The following CREB1 variants were observed in gnomAD, a reference collection of about 807,000 sequenced individuals.
The protein encoded by CREB1 is cAMP responsive element binding protein 1, also known as cyclic AMP-responsive element-binding protein 1.
CREB1 carries 2 observed loss-of-function variants against 42.0 expected under a neutral mutation model. The ratio of observed to expected loss-of-function variants is 0.05; its 90% CI spans 0.02 to 0.15. The LOEUF is 0.15. Ranked by LOEUF, CREB1 falls within the 10% of genes least tolerant of loss-of-function variation. The pLI, the probability that CREB1 is intolerant of heterozygous loss-of-function variation, is 1.00. For synonymous variants in CREB1, 123 were observed against 139.9 expected, an observed-to-expected ratio of 0.88 and a Z score of 0.85; for missense variants, 199 against 388.9, an observed-to-expected ratio of 0.51 and a Z score of 4.11.
chr2:207,584,513 C>T (rs1001253481), intron 7 of CREB1, among the ~76,000 whole-genome samples: 7 of 152,168 alleles, frequency 4.6e-5, no homozygotes, highest in Admixed American at 3.9e-4. Context: ...AAGAGATTCT[C>T]GTGCCTCAGC....
At chr2:207,544,920 A>G (rs1446119863) in intron 1 of CREB1, among the ~76,000 whole-genome samples, 1 of 152,212 alleles carries the variant, frequency 6.6e-6, no homozygotes, top group African/African-American at 2.4e-5. Context: ...ATGGCTGCAT[A>G]GTATTTCATG....
At chr2:207,573,059 TA>T (rs2082433942) in intron 5 of CREB1, among the ~76,000 whole-genome samples, 1 of 152,228 alleles carries the variant, frequency 6.6e-6, no homozygotes. Flanking sequence ...TTTCAGTAAA[TA>T]AAACTATGAC....
In CREB1 at chr2:207,605,320, G is replaced by A. The variant is rs2087905870; in HGVS notation, c.*8262G>A. ...CATTTCCCTGATTACTAATGATGTG[G>A]AGCATCTTTTGTTGTCTTTGGCCAT... On this transcript the variant is annotated 3_prime_UTR_variant, in exon 8 of 8. Coordinates refer to ENST00000353267, the MANE Select transcript of CREB1 (RefSeq NM_004379.5). Among the ~76,000 whole-genome samples, 3 of 152,130 alleles carry A rather than the reference G, an allele frequency of 2.0e-5. No individual in the cohort carries two copies. The highest frequency in any genetic ancestry group is 2.0e-4 in the Admixed American group (3 of 15,262).
At position 207,577,155 on chromosome 2, in the gene CREB1, A is replaced by G. The variant is rs755788581; in HGVS notation, c.689-350A>G. ...ATATGAATTTACCAATATCAAAGGA[A>G]GACACTGAGGACTATACTCTATCTA... On this transcript the variant is annotated intron_variant, in intron 6 of 7. Transcript: ENST00000353267. The G allele has an allele frequency of 4.7e-5, 47 of 1,006,222 alleles. No homozygotes were observed. The Middle Eastern group carries it at 1.5e-3, about 32-fold the overall frequency. The allele number at this position is 1,006,222 out of a possible 1,614,324, so 62.3% of individuals were successfully genotyped here.
intron 1 of CREB1, among the ~76,000 whole-genome samples, chr2:207,541,884 C>T (rs1040905692): frequency 6.6e-6 from 1 of 152,220 alleles, no homozygotes. Context: ...AGGCAACCAC[C>T]TATCACCTTT....
At chr2:207,585,619 A>C (rs2083682311) in intron 7 of CREB1, among the ~76,000 whole-genome samples, 1 of 152,242 alleles carries the variant, frequency 6.6e-6, no homozygotes, top group Non-Finnish European at 1.5e-5. Context: ...AAGGAATTGA[A>C]AATAATGATC....
At chr2:207,566,793 G>T (rs1298148099) in intron 3 of CREB1, among the ~76,000 whole-genome samples, 1 of 152,078 alleles carries the variant, frequency 6.6e-6, no homozygotes, top group Non-Finnish European at 1.5e-5. Flanking sequence ...CATAACACCT[G>T]GCACATAGGC....
chr2:207,545,094 T>C (rs2081246447), intron 1 of CREB1, among the ~76,000 whole-genome samples: 1 of 152,244 alleles, frequency 6.6e-6, no homozygotes, highest in Non-Finnish European at 1.5e-5. Context: ...AGGGGATTGC[T>C]GGGTCAAATG....
chr2:207,598,148 A>G lies in CREB1; in HGVS notation c.*1090A>G, dbSNP rs1354189019. On this transcript the variant is annotated 3_prime_UTR_variant, in exon 8 of 8. Coordinates refer to ENST00000353267, the MANE Select transcript of CREB1 (RefSeq NM_004379.5). ...TTCCATATTAACAATTTAACAGAGA[A>G]TCTCTAGTGAATTTTTTAAATGAAA... The G allele has an allele frequency of 1.1e-5, 2 of 180,638 alleles. No homozygotes were observed. Among genetic ancestry groups the G allele is most frequent in the African/African-American group, 4.7e-5 (2 of 42,428 alleles). 11.2% of individuals were successfully genotyped at this position (180,638 alleles called of 1,614,324 possible).
intron 7 of CREB1, among the ~76,000 whole-genome samples, chr2:207,584,271 A>G (rs2709389): frequency 0.16 from 23,689 of 152,206 alleles, 2,033 homozygotes; most frequent in Middle Eastern, 0.21. Flanking sequence ...TTATATTCCC[A>G]CCAGGAATGT....
intron 1 of CREB1, among the ~76,000 whole-genome samples, chr2:207,539,824 C>G (rs1017102695): frequency 6.6e-6 from 1 of 152,044 alleles, no homozygotes; most frequent in African/African-American, 2.4e-5. Context: ...GGAGTGTATT[C>G]TAGGCAGTGG....
intron 7 of CREB1, among the ~76,000 whole-genome samples, chr2:207,579,334 T>C (rs1249402135): frequency 6.6e-6 from 1 of 152,118 alleles, no homozygotes; most frequent in African/African-American, 2.4e-5. Flanking sequence ...AAGACAACAC[T>C]GCTTACTAAA....
chr2:207,594,361 G>A (rs191878346), intron 7 of CREB1, among the ~76,000 whole-genome samples: 4 of 152,158 alleles, frequency 2.6e-5, no homozygotes, highest in African/African-American at 7.2e-5. Context: ...CTCTGTACCC[G>A]GTAAACAACA....
chr2:207,599,685 G>T lies in CREB1; in HGVS notation c.*2627G>T, dbSNP rs2086719424. ...ATAAAGATAAAATCAAGCATCTTTT[G>T]TGCAGTTTTCTTTTTTTAATGCAAG... On this transcript the variant is annotated 3_prime_UTR_variant, in exon 8 of 8. Coordinates refer to ENST00000353267, the MANE Select transcript of CREB1 (RefSeq NM_004379.5). 5.1e-6 allele frequency: 1 copy of T among 197,628 alleles called. No homozygotes were observed. The allele number at this position is 197,628 out of a possible 1,614,324, so 12.2% of individuals were successfully genotyped here.
chr2:207,589,443 T>C (rs1489431885), intron 7 of CREB1, among the ~76,000 whole-genome samples: 1 of 152,112 alleles, frequency 6.6e-6, no homozygotes, highest in Non-Finnish European at 1.5e-5. Flanking sequence ...CCAAGATAAT[T>C]TTCCTATTTT....
intron 2 of CREB1, among the ~76,000 whole-genome samples, chr2:207,559,690 G>A (rs956957173): frequency 6.6e-6 from 1 of 152,182 alleles, no homozygotes; most frequent in Non-Finnish European, 1.5e-5. Context: ...GGTCAGGTTT[G>A]CTTATGCTTG....
At position 207,603,689 on chromosome 2, in the gene CREB1, A is replaced by C. The variant is rs1378266907; in HGVS notation, c.*6631A>C. On this transcript the variant is annotated 3_prime_UTR_variant, in exon 8 of 8. Coordinates refer to ENST00000353267, the MANE Select transcript of CREB1 (RefSeq NM_004379.5). ...GTTACTGTCAAGATGACTAATGGAG[A>C]CATACGACCAGCTGTGTCTGATGTC... Among the ~76,000 whole-genome samples, 1 of 152,148 alleles carries C rather than the reference A, an allele frequency of 6.6e-6. No homozygotes were observed. Among genetic ancestry groups the C allele is most frequent in the African/African-American group, 2.4e-5 (1 of 41,444 alleles).
At chr2:207,557,841 T>C (rs2081792319) in intron 2 of CREB1, among the ~76,000 whole-genome samples, 1 of 152,282 alleles carries the variant, frequency 6.6e-6, no homozygotes, top group South Asian at 2.1e-4. Flanking sequence ...AAATTATTAG[T>C]GTAGAAAAGG....
At chr2:207,534,825 T>G (rs1412903916) in intron 1 of CREB1, 2 of 152,260 alleles carry the variant, frequency 1.3e-5, no homozygotes, top group African/African-American at 4.8e-5. Context: ...ATTTTTTATT[T>G]GTCCTTTAAG....
Sources: allele counts gnomAD v4.1 joint callset (sites outside exome capture counted in the v4.1 genomes callset), GRCh38; gene constraint gnomAD v4.1.1; transcripts MANE v1.5; gene names NCBI Gene and HGNC (gene_info 2026-07-23, HGNC 2026-07-21).